Variants in LINGO2 observed in about 807,000 individuals in gnomAD.
LINGO2 encodes leucine-rich repeat and immunoglobulin-like domain-containing nogo receptor-interacting protein 2.
In LINGO2, 14 loss-of-function variants were observed where a neutral mutation model predicts 30.6. The ratio of observed to expected loss-of-function variants is 0.46; its 90% CI spans 0.30 to 0.72. The LOEUF is 0.72. LINGO2 is among the 30% of genes least tolerant of loss of function. The pLI, the probability that LINGO2 is intolerant of heterozygous loss-of-function variation, is 0.07. For synonymous variants in LINGO2, 317 were observed against 288.5 expected (o/e 1.10, Z -1.00); for missense variants, 729 against 751.7 (o/e 0.97, Z 0.35).
the LINGO2 span, among the ~76,000 whole-genome samples, chr9:29,017,354 A>G: frequency 6.6e-6 from 1 of 152,192 alleles, no homozygotes; most frequent in Admixed American, 6.6e-5. Context: ...GTCATCACAG[A>G]CTTTGATTCT....
the LINGO2 span, among the ~76,000 whole-genome samples, chr9:28,876,178 C>T: frequency 6.6e-6 from 1 of 151,998 alleles, no homozygotes; most frequent in Non-Finnish European, 1.5e-5. Flanking sequence ...AAGACATTTT[C>T]ATATACATTA....
At position 28,298,325 on chromosome 9, in the gene LINGO2, A is replaced by G. The variant is rs184686510; in HGVS notation, c.-245-2959T>C. ...CTGGGATGCATAGTATGATAACAAG[A>G]TATTTTCTTTAATGCTTTCATTTTT... On this transcript the variant is annotated intron_variant, in intron 3 of 5. Transcript: ENST00000379992. Among the ~76,000 whole-genome samples, 344 of 152,154 alleles carry G rather than the reference A, an allele frequency of 2.3e-3. 3 individuals carry two copies. Among genetic ancestry groups the G allele is most frequent in the East Asian group, 6.6e-3 (34 of 5,184 alleles).
the LINGO2 span, among the ~76,000 whole-genome samples, chr9:28,736,205 C>CT: frequency 1.3e-5 from 2 of 152,208 alleles, no homozygotes; most frequent in East Asian, 3.9e-4. Context: ...TAGCTTAGAG[C>CT]TGAGGAAAGC....
At chr9:28,371,078 A>C (rs148334479) in intron 3 of LINGO2, among the ~76,000 whole-genome samples, 267 of 152,270 alleles carry the variant, frequency 1.8e-3, no homozygotes, top group African/African-American at 6.2e-3. Flanking sequence ...GCAGGTTCAA[A>C]TTTGGGCCCC....
chr9:28,259,492 G>A (rs1195982489), intron 4 of LINGO2, among the ~76,000 whole-genome samples: 1 of 151,810 alleles, frequency 6.6e-6, no homozygotes, highest in African/African-American at 2.4e-5. Context: ...TGGGGTCTGA[G>A]TTGGTGAGCC....
At chr9:28,955,035 A>G in the LINGO2 span, among the ~76,000 whole-genome samples, 1 of 152,282 alleles carries the variant, frequency 6.6e-6, no homozygotes, top group East Asian at 1.9e-4. Context: ...GAGATAGAGA[A>G]AGAAAGTGAG....
chr9:28,393,920 T>C (rs1821938390), intron 2 of LINGO2, among the ~76,000 whole-genome samples: 1 of 152,310 alleles, frequency 6.6e-6, no homozygotes, highest in East Asian at 1.9e-4. Context: ...AAAGCTCTTA[T>C]ACTAGCTGCA....
chr9:28,603,393 T>C (rs1825569273), intron 1 of LINGO2, among the ~76,000 whole-genome samples: 1 of 152,016 alleles, frequency 6.6e-6, no homozygotes, highest in Admixed American at 6.6e-5. Context: ...TGGATGACTA[T>C]AGACTGAATG....
chr9:28,245,888 A>T (rs1450770419), intron 4 of LINGO2, among the ~76,000 whole-genome samples: 2 of 152,178 alleles, frequency 1.3e-5, no homozygotes, highest in African/African-American at 4.8e-5. Flanking sequence ...TATAGATTGA[A>T]TGCTATTCTC....
In LINGO2 at chr9:28,634,216, G is replaced by A. The variant is rs149701486; in HGVS notation, c.-365+35984C>T. 7.2e-3 allele frequency among the ~76,000 whole-genome samples: 1,100 copies of A among 152,018 alleles called. 18 individuals are homozygous for A. The highest frequency in any genetic ancestry group is 0.025 in the African/African-American group (1,041 of 41,466). ...TATGTTCCACTTGTTTTTATAATAC[G>A]CTGGTTTTCTTAAACTAGCTAGTGA... is the stretch of plus-strand genomic sequence containing the variant. On this transcript the variant is annotated intron_variant, in intron 1 of 5. Transcript: ENST00000379992.
At chr9:29,137,598 G>A in the LINGO2 span, among the ~76,000 whole-genome samples, 2 of 152,212 alleles carry the variant, frequency 1.3e-5, no homozygotes, top group Non-Finnish European at 2.9e-5. Flanking sequence ...CTAAACAAGT[G>A]TTGTTTCTTT....
the LINGO2 span, among the ~76,000 whole-genome samples, chr9:29,181,706 A>C: frequency 1.3e-5 from 2 of 152,160 alleles, no homozygotes; most frequent in African/African-American, 4.8e-5. Context: ...GAAATCAAAC[A>C]ATAGACTTTC....
the LINGO2 span, among the ~76,000 whole-genome samples, chr9:29,001,597 T>C: frequency 3.3e-5 from 5 of 151,964 alleles, no homozygotes; most frequent in African/African-American, 1.2e-4. Context: ...CAAGTAAAAT[T>C]TTCAAACTAA....
chr9:28,480,686 C>T lies in LINGO2; in HGVS notation c.-364-4661G>A, dbSNP rs550676021. ...TGCAACTGGCTTCTCAGATTTCAGT[C>T]TCTTTCTTGTGCAGTCTACTCCTAA... On this transcript the variant is annotated intron_variant, in intron 1 of 5. Transcript: ENST00000379992. 7.4e-4 allele frequency among the ~76,000 whole-genome samples: 112 copies of T among 152,204 alleles called. 1 individual carries two copies. The highest frequency in any genetic ancestry group is 2.4e-3 in the African/African-American group (101 of 41,558).
intron 1 of LINGO2, among the ~76,000 whole-genome samples, chr9:28,541,824 T>A (rs1453196216): frequency 6.6e-6 from 1 of 152,152 alleles, no homozygotes; most frequent in Non-Finnish European, 1.5e-5. Flanking sequence ...CAGAGCTGAA[T>A]CTTGATTAGA....
chr9:28,770,448 C>T, the LINGO2 span, among the ~76,000 whole-genome samples: 5 of 152,106 alleles, frequency 3.3e-5, no homozygotes, highest in African/African-American at 9.7e-5. Flanking sequence ...CCTGCTTGTA[C>T]TCTGCTGTAA....
chr9:28,234,161 T>C (rs1193392357), intron 4 of LINGO2, among the ~76,000 whole-genome samples: 1 of 152,080 alleles, frequency 6.6e-6, no homozygotes, highest in African/African-American at 2.4e-5. Flanking sequence ...CCTAGACTCT[T>C]AGGCAGCATT....
intron 2 of LINGO2, among the ~76,000 whole-genome samples, chr9:28,475,145 C>T (rs1438896680): frequency 6.6e-6 from 1 of 151,826 alleles, no homozygotes; most frequent in Non-Finnish European, 1.5e-5. Context: ...TGAACTCCAC[C>T]CTGCATTTTT....
At chr9:28,459,716 CAAAT>C (rs1824999261) in intron 2 of LINGO2, among the ~76,000 whole-genome samples, 1 of 151,566 alleles carries the variant, frequency 6.6e-6, no homozygotes, top group Admixed American at 6.6e-5. Flanking sequence ...TATTATTTAT[CAAAT>C]AAATAAATGA....
Sources: allele counts gnomAD v4.1 joint callset (sites outside exome capture counted in the v4.1 genomes callset), GRCh38; gene constraint gnomAD v4.1.1; transcripts MANE v1.5; gene names NCBI Gene and HGNC (gene_info 2026-07-23, HGNC 2026-07-21).